Variants in PROS1 observed in about 807,000 individuals in gnomAD.
The protein encoded by PROS1 is vitamin K-dependent protein S.
Under a neutral mutation model 75.9 loss-of-function variants are expected in PROS1, and 29 were observed. The ratio of observed to expected loss-of-function variants is 0.38; its 90% confidence interval spans 0.28 to 0.52. The LOEUF is 0.52. Ranked by LOEUF, PROS1 falls within the 20% of genes least tolerant of loss-of-function variation. The probability of loss-of-function intolerance (pLI) is 0.83; values close to 1 mark genes in which losing one functional copy is unlikely to be tolerated. For missense variants in PROS1, 680 were observed against 810.3 expected, an observed-to-expected ratio of 0.84 and a Z score of 1.95; for synonymous variants, 245 against 280.6, an observed-to-expected ratio of 0.87 and a Z score of 1.27.
rs777271187 is a variant in PROS1, at chr3:93,874,331, A to C, written c.1945T>G (p.Leu649Val). 1.2e-6 allele frequency: 2 copies of C among 1,613,366 alleles called. No homozygotes were observed. The highest frequency in any genetic ancestry group is 1.3e-5 in the African/African-American group (1 of 74,916). The stretch of plus-strand genomic sequence containing the variant: ...TTAGAAATGGCTTCATCCAGATCCA[A>C]CTGTACACCATTAATATTCACTTCC... ...CMEVNINGVQ[L>V]DLDEAISKHN... Residue 649 changes from leucine to valine, a missense_variant, in exon 15 of 15, where the codon TTG becomes GTG. Coordinates refer to ENST00000394236, the MANE Select transcript of PROS1 (RefSeq NM_000313.4).
intron 3 of PROS1, among the ~76,000 whole-genome samples, chr3:93,923,865 G>C (rs1708978845): frequency 6.6e-6 from 1 of 151,196 alleles, no homozygotes; most frequent in South Asian, 2.1e-4. Flanking sequence ...GCAGGCCACA[G>C]CACTCCAGCC....
chr3:93,972,565 G>A (rs1709894981), intron 1 of PROS1, among the ~76,000 whole-genome samples: 1 of 152,054 alleles, frequency 6.6e-6, no homozygotes, highest in African/African-American at 2.4e-5. Context: ...TTGGCCAGGT[G>A]CGGTGGCTCA....
intron 1 of PROS1, among the ~76,000 whole-genome samples, chr3:93,933,996 G>A (rs1384266835): frequency 8.0e-6 from 1 of 125,706 alleles, no homozygotes; most frequent in African/African-American, 3.1e-5. Context: ...GCGACAGAAA[G>A]AGACTCTGTC....
chr3:93,942,852 C>G (rs1709309985), intron 1 of PROS1, among the ~76,000 whole-genome samples: 1 of 152,186 alleles, frequency 6.6e-6, no homozygotes, highest in Non-Finnish European at 1.5e-5. Flanking sequence ...CTCAGGCCCC[C>G]TCCCTTCCCT....
At chr3:93,928,173 T>C (rs1409391205) in intron 1 of PROS1, among the ~76,000 whole-genome samples, 2 of 147,974 alleles carry the variant, frequency 1.4e-5, no homozygotes, top group Non-Finnish European at 3.0e-5. Flanking sequence ...CGCCACCACA[T>C]AAAAAATATT....
chr3:93,918,042 C>T (rs548900991), intron 3 of PROS1, among the ~76,000 whole-genome samples: 19 of 152,296 alleles, frequency 1.2e-4, no homozygotes, highest in Admixed American at 9.1e-4. Context: ...AAGCCAGCTG[C>T]GCTCCTGAGT....
chr3:93,885,775 A>G (rs1708337164), intron 11 of PROS1, among the ~76,000 whole-genome samples: 4 of 152,240 alleles, frequency 2.6e-5, no homozygotes, highest in African/African-American at 7.2e-5. Context: ...ATTCAAGCTT[A>G]ATATCATATA....
rs566454342 is a variant in PROS1, at chr3:93,963,792, C to A, written c.76+9882G>T. Among the ~76,000 whole-genome samples the A allele has an allele frequency of 3.2e-4, 49 of 152,198 alleles. 1 individual carries two copies. The highest frequency in any genetic ancestry group is 1.2e-3 in the African/African-American group (49 of 41,530). On this transcript the variant is annotated intron_variant, in intron 1 of 14. Coordinates refer to ENST00000394236, the MANE Select transcript of PROS1 (RefSeq NM_000313.4). Reference sequence around the variant, plus strand: ...GTCACTCATCACCTAGGGGCTGGTGCTAAGTTATTCATAAGGGACCTACCC... The same window carrying A: ...GTCACTCATCACCTAGGGGCTGGTGATAAGTTATTCATAAGGGACCTACCC...
chr3:93,928,898 T>C (rs1709066030), intron 1 of PROS1: 1 of 413,322 alleles, frequency 2.4e-6, no homozygotes, highest in Non-Finnish European at 4.0e-6. Flanking sequence ...TTTTAAAAAT[T>C]ATATTTTTGC....
rs532030300 is a variant in PROS1 at position 93,912,289 on chromosome 3, C to T, written c.260-1584G>A. On this transcript the variant is annotated intron_variant, in intron 3 of 14. Transcript: ENST00000394236. ...CCATATCTACTACTGACTCTAATCT[C>T]CTGCCATCCTGTTATAAGGACCCTT... 3.7e-4 allele frequency among the ~76,000 whole-genome samples: 57 copies of T among 152,298 alleles called. No homozygotes were observed. In the South Asian group the frequency reaches 7.3e-3, roughly 19 times the overall value.
In PROS1 at chr3:93,873,735, G is replaced by T. The variant is rs1279718010; in HGVS notation, c.*510C>A. On this transcript the variant is annotated 3_prime_UTR_variant, in exon 15 of 15. Coordinates refer to ENST00000394236, the MANE Select transcript of PROS1 (RefSeq NM_000313.4). ...ATGAAGCCAAAGCTGTTCCCCCTGA[G>T]GAATTGTTTTGAAATAAGGCATTAG... 2 of 154,828 alleles carry T rather than the reference G, an allele frequency of 1.3e-5. No homozygotes were observed. Among genetic ancestry groups the T allele is most frequent in the African/African-American group, 4.8e-5 (2 of 41,396 alleles). The allele number at this position is 154,828 out of a possible 1,614,324, so 9.6% of individuals were successfully genotyped here.
intron 1 of PROS1, among the ~76,000 whole-genome samples, chr3:93,957,500 T>C (rs953004016): frequency 3.9e-5 from 6 of 152,156 alleles, no homozygotes; most frequent in South Asian, 2.1e-4. Flanking sequence ...GACCCAAAGG[T>C]CTAAATTCCA....
intron 1 of PROS1, among the ~76,000 whole-genome samples, chr3:93,969,620 C>A (rs540496866): frequency 7.4e-4 from 113 of 152,288 alleles, no homozygotes; most frequent in African/African-American, 2.7e-3. Context: ...GGCAGCTCCT[C>A]AAGTACTGTC....
intron 1 of PROS1, among the ~76,000 whole-genome samples, chr3:93,966,063 C>G (rs919170695): frequency 6.6e-6 from 1 of 152,110 alleles, no homozygotes; most frequent in South Asian, 2.1e-4. Flanking sequence ...TATCAACAGA[C>G]GCCTCTCTGT....
intron 2 of PROS1, among the ~76,000 whole-genome samples, chr3:93,924,656 G>A (rs530770687): frequency 2.0e-4 from 30 of 148,176 alleles, no homozygotes; most frequent in African/African-American, 6.5e-4. Context: ...TCACAGTAAC[G>A]TACTCTCTTT....
chr3:93,960,768 G>C (rs1259192516), intron 1 of PROS1, among the ~76,000 whole-genome samples: 2 of 151,472 alleles, frequency 1.3e-5, no homozygotes, highest in African/African-American at 4.8e-5. Context: ...TAATATAAAG[G>C]TATGAAACAT....
chr3:93,924,338 T>A, intron 2 of PROS1, 74 bp from the exon 3 acceptor site: 1 of 896,204 alleles, frequency 1.1e-6, no homozygotes, highest in Non-Finnish European at 1.5e-6. Context: ...AATTTTATAA[T>A]GTGTTTTTAT....
At chr3:93,968,342 C>T (rs1452856274) in intron 1 of PROS1, among the ~76,000 whole-genome samples, 1 of 152,042 alleles carries the variant, frequency 6.6e-6, no homozygotes, top group African/African-American at 2.4e-5. Context: ...AGGAATAATG[C>T]CACCCCAAAG....
intron 1 of PROS1, among the ~76,000 whole-genome samples, chr3:93,944,735 C>A (rs1439415379): frequency 6.6e-6 from 1 of 151,986 alleles, no homozygotes; most frequent in Non-Finnish European, 1.5e-5. Flanking sequence ...CCTAACATCA[C>A]AATTAAAAGA....
Sources: gnomAD v4.1 joint callset for allele counts (sites outside exome capture counted in the v4.1 genomes callset) on GRCh38, gnomAD v4.1.1 for gene constraint, MANE v1.5 for transcripts, NCBI Gene and HGNC (gene_info 2026-07-23, HGNC 2026-07-21) for gene names.